PCDHGA5: variants seen among roughly 807,000 people sequenced by gnomAD.
PCDHGA5 encodes the protein protocadherin gamma subfamily A, 5, also known as protocadherin gamma-A5.
PCDHGA5 carries 36 observed loss-of-function variants against 56.7 expected under a neutral mutation model. That is an observed-to-expected ratio of 0.64 (90% CI 0.49 to 0.84). The LOEUF is 0.84. Among genes scored for constraint, PCDHGA5 ranks in the 40% least tolerant of loss-of-function variants. The pLI, the probability that PCDHGA5 is intolerant of heterozygous loss-of-function variation, is 0.00. For synonymous variants in PCDHGA5, 563 were observed against 520.2 expected (o/e 1.08, Z -1.12); for missense variants, 1,305 against 1,201.5 (o/e 1.09, Z -1.27).
intron 2 of PCDHGA5, among the ~76,000 whole-genome samples, chr5:141,504,722 C>T (rs747319660): frequency 1.3e-5 from 2 of 151,828 alleles, no homozygotes; most frequent in Non-Finnish European, 2.9e-5. Context: ...GGATTTTACT[C>T]TGAGGGCTTA....
Position 141,364,315 on chromosome 5 carries a change from G to A in PCDHGA5, c.-16G>A, listed in dbSNP as rs371423509. 156 of 1,524,232 alleles carry A rather than the reference G, an allele frequency of 1.0e-4. No homozygotes were observed. Among genetic ancestry groups the A allele is most frequent in the Non-Finnish European group, 1.2e-4 (140 of 1,139,180 alleles). 94.4% of individuals were successfully genotyped at this position (1,524,232 alleles called of 1,614,324 possible). A position where few individuals can be genotyped will look rare whatever the true frequency, so the allele number is the denominator to read the frequency against. On this transcript the variant is annotated 5_prime_UTR_variant, in exon 1 of 4. Transcript: ENST00000518069. ...GCTGAACCAGAACTAAGAGAAAATT[G>A]GGCAGAGAGAAGGCAATGGCGAGTC...
intron 1 of PCDHGA5, among the ~76,000 whole-genome samples, chr5:141,468,273 C>T (rs894110332): frequency 1.4e-5 from 2 of 144,550 alleles, no homozygotes; most frequent in Non-Finnish European, 3.0e-5. Flanking sequence ...TGTGGTGAGC[C>T]GAGACCACGC....
In PCDHGA5 at chr5:141,431,048, A is replaced by T; in HGVS notation, c.2422-63759A>T. On this transcript the variant is annotated intron_variant, in intron 1 of 3. Transcript: ENST00000518069. This position sits in a 1 kb window ranked among gnomAD's most constrained non-coding sequence, Gnocchi z 4.8. ...CAGGATAGACCGGGAGGAGCTCTGT[A>T]TGGGGGCCATCAAGTGTCAATTAAA... 6.2e-7 allele frequency: 1 copy of T among 1,614,180 alleles called. No homozygotes were observed. The highest frequency in any genetic ancestry group is 1.1e-5 in the South Asian group (1 of 91,088).
Position 141,476,489 on chromosome 5 carries a change from A to G in PCDHGA5, c.2422-18318A>G. ...GGAGCTGTTCAGCGTGGAAGTGGTGATCCAGGACATCAACGACAACAATCC... is the reference window on the plus strand; with the variant it reads ...GGAGCTGTTCAGCGTGGAAGTGGTGGTCCAGGACATCAACGACAACAATCC... On this transcript the variant is annotated intron_variant, in intron 1 of 3. Coordinates refer to ENST00000518069, the MANE Select transcript of PCDHGA5 (RefSeq NM_018918.3). The surrounding 1 kb of genome is among the most constrained non-coding windows in gnomAD (Gnocchi z 7.6). The G allele has an allele frequency of 6.2e-7, 1 of 1,613,928 alleles. No individual in the cohort carries two copies. Among genetic ancestry groups the G allele is most frequent in the Non-Finnish European group, 8.5e-7 (1 of 1,179,976 alleles).
At chr5:141,455,605 T>C (rs930071553) in intron 1 of PCDHGA5, among the ~76,000 whole-genome samples, 2 of 152,098 alleles carry the variant, frequency 1.3e-5, no homozygotes, top group African/African-American at 4.8e-5. Flanking sequence ...TAGGGCGCCA[T>C]GGATGTTCTA....
At position 141,487,270 on chromosome 5, in the gene PCDHGA5, A is replaced by T. The variant is rs777469322; in HGVS notation, c.2422-7537A>T. 6.2e-7 allele frequency: 1 copy of T among 1,614,046 alleles called. No homozygotes were observed. Among genetic ancestry groups the T allele is most frequent in the South Asian group, 1.1e-5 (1 of 91,076 alleles). On this transcript the variant is annotated intron_variant, in intron 1 of 3. Transcript: ENST00000518069. The surrounding 1 kb of genome is among the most constrained non-coding windows in gnomAD (Gnocchi z 5.0). ...TCTACTTGGCTGTGTCCCTAGTGGC[A>T]ATTTGCTTTGTCTCCTTTGGCTCAT... is the stretch of plus-strand genomic sequence containing the variant.
intron 1 of PCDHGA5, chr5:141,415,466 C>T (rs1187128064): frequency 6.2e-7 from 1 of 1,614,224 alleles, no homozygotes. Flanking sequence ...GTCTCTCTCA[C>T]CGCGGACTCG....
At chr5:141,375,777 C>T in intron 1 of PCDHGA5, 1 of 1,614,250 alleles carries the variant, frequency 6.2e-7, no homozygotes, top group African/African-American at 1.3e-5. Flanking sequence ...ATCCTGTACC[C>T]CGCCCTCCCC....
intron 1 of PCDHGA5, chr5:141,375,919 C>T: frequency 1.2e-6 from 2 of 1,613,730 alleles, no homozygotes; most frequent in East Asian, 2.2e-5. Context: ...TCAAGGCCAG[C>T]GAGCCAGGAC....
Position 141,365,339 on chromosome 5 carries a change from G to A in PCDHGA5, c.1009G>A (p.Val337Ile). The A allele has an allele frequency of 4.3e-6, 7 of 1,613,990 alleles. No individual in the cohort carries two copies. The highest frequency in any genetic ancestry group is 5.1e-6 in the Non-Finnish European group (6 of 1,179,892). Residue 337 changes from valine (V) to isoleucine (I), a missense_variant, in exon 1 of 4, where the codon GTA becomes ATA. Coordinates refer to ENST00000518069, the MANE Select transcript of PCDHGA5 (RefSeq NM_018918.3). ...LVASAKVVVT[V>I]QDVNDNAPEV... ...TGCCAGCGCTAAGGTGGTGGTCACAGTACAGGACGTGAATGACAATGCCCC... is the reference window on the plus strand; with the variant it reads ...TGCCAGCGCTAAGGTGGTGGTCACAATACAGGACGTGAATGACAATGCCCC...
intron 1 of PCDHGA5, chr5:141,383,450 G>A: frequency 6.2e-7 from 1 of 1,613,960 alleles, no homozygotes; most frequent in Non-Finnish European, 8.5e-7. Context: ...GCTGTGCAAA[G>A]TGGAGACGAT....
At chr5:141,478,452 C>T (rs763187393) in intron 1 of PCDHGA5, 1 of 1,613,598 alleles carries the variant, frequency 6.2e-7, no homozygotes, top group Admixed American at 1.7e-5. Context: ...CCTGGTGCAG[C>T]CAGTCCACTG....
chr5:141,473,796 G>A (rs2099328996), intron 1 of PCDHGA5, among the ~76,000 whole-genome samples: 1 of 152,224 alleles, frequency 6.6e-6, no homozygotes, highest in African/African-American at 2.4e-5. Context: ...GCAGTATGAT[G>A]CTACTGAGGA....
intron 1 of PCDHGA5, chr5:141,392,124 A>G (rs1448052063): frequency 1.3e-5 from 2 of 152,226 alleles, no homozygotes; most frequent in Admixed American, 1.3e-4. Flanking sequence ...GAAAGCTTGT[A>G]AAATGATTAA....
intron 1 of PCDHGA5, chr5:141,403,283 G>A: frequency 6.2e-7 from 1 of 1,613,914 alleles, no homozygotes; most frequent in South Asian, 1.1e-5. Context: ...AGTCCTGGTT[G>A]AAGACAGAGT....
chr5:141,403,302 A>G (rs1195717654), intron 1 of PCDHGA5: 1 of 1,613,904 alleles, frequency 6.2e-7, no homozygotes, highest in East Asian at 2.2e-5. Flanking sequence ...GTGAAACTGT[A>G]CGGAATAGAA....
At chr5:141,437,338 C>T (rs1328789308) in intron 1 of PCDHGA5, among the ~76,000 whole-genome samples, 1 of 152,196 alleles carries the variant, frequency 6.6e-6, no homozygotes, top group Non-Finnish European at 1.5e-5. Flanking sequence ...TGTAGCTTCA[C>T]TGTTTTATAG....
At chr5:141,394,855 C>A in intron 1 of PCDHGA5, 1 of 1,613,778 alleles carries the variant, frequency 6.2e-7, no homozygotes, top group Non-Finnish European at 8.5e-7. Flanking sequence ...CTGAAGCCTT[C>A]GGTCGACCCG....
chr5:141,490,184 TC>T lies in PCDHGA5; in HGVS notation c.2422-4622del, dbSNP rs1293752541. The T allele has an allele frequency of 1.2e-6, 2 of 1,614,196 alleles. No individual in the cohort carries two copies. The highest frequency in any genetic ancestry group is 1.7e-6 in the Non-Finnish European group (2 of 1,180,030). On this transcript the variant is annotated intron_variant, in intron 1 of 3. Coordinates refer to ENST00000518069, the MANE Select transcript of PCDHGA5 (RefSeq NM_018918.3). This position sits in a 1 kb window ranked among gnomAD's most constrained non-coding sequence, Gnocchi z 5.4. The stretch of plus-strand genomic sequence containing the variant: ...CCCATAGACTTTGAGGAGTCACGTT[TC>T]TATGAAATTCATGCAAGAGCCCGTG...
Sources: gnomAD v4.1 joint callset for allele counts (sites outside exome capture counted in the v4.1 genomes callset) on GRCh38, gnomAD v4.1.1 for gene constraint, Gnocchi (gnomAD v3.1) non-coding constraint, MANE v1.5 for transcripts, NCBI Gene and HGNC (gene_info 2026-07-23, HGNC 2026-07-21) for gene names.